Variants in MAPK8IP1 observed in about 807,000 individuals in gnomAD.
MAPK8IP1 encodes mitogen-activated protein kinase 8 interacting protein 1, also known as C-Jun-amino-terminal kinase-interacting protein 1.
In MAPK8IP1, 17 loss-of-function variants were observed where a neutral mutation model predicts 72.6. The observed-to-expected ratio is 0.23, with a 90% CI of 0.16 to 0.35. MAPK8IP1 has a LOEUF of 0.35. MAPK8IP1 is among the 10% of genes least tolerant of loss of function. The pLI, the probability that MAPK8IP1 is intolerant of heterozygous loss-of-function variation, is 1.00. For missense variants in MAPK8IP1, 789 were observed against 1,009.7 expected, an observed-to-expected ratio of 0.78 and a Z score of 2.96; for synonymous variants, 401 against 443.4, an observed-to-expected ratio of 0.90 and a Z score of 1.20.
At chr11:45,901,479 C>T (rs959995166) in intron 3 of MAPK8IP1, among the ~76,000 whole-genome samples, 6 of 152,112 alleles carry the variant, frequency 3.9e-5, no homozygotes, top group Admixed American at 1.3e-4. Context: ...GGAGACCCTT[C>T]CTTGTGCTTT....
In MAPK8IP1 at chr11:45,902,581, G is replaced by A. The variant is rs775633425; in HGVS notation, c.814G>A (p.Asp272Asn). The A allele has an allele frequency of 7.4e-6, 12 of 1,612,794 alleles. No individual in the cohort carries two copies. The highest frequency in any genetic ancestry group is 4.4e-5 in the South Asian group (4 of 91,070). The change falls in exon 5 of 12, where the codon GAT (aspartate) becomes AAT (asparagine). Residue 272 changes from aspartate to asparagine, a missense_variant. Coordinates refer to ENST00000241014, the MANE Select transcript of MAPK8IP1 (RefSeq NM_005456.4). This position sits in a 1 kb window ranked among gnomAD's most constrained non-coding sequence, Gnocchi z 9.3. ...SHRDRIHYQA[D>N]VRLEATEEIY... ...TCGAGACCGAATCCACTACCAGGCCGATGTGCGACTAGAGGCCACTGAGGA... is the reference window on the plus strand; with the variant it reads ...TCGAGACCGAATCCACTACCAGGCCAATGTGCGACTAGAGGCCACTGAGGA...
In MAPK8IP1 at chr11:45,905,144, C is replaced by T. The variant is rs1173675348; in HGVS notation, c.1965-7C>T. On this transcript the variant is annotated splice_polypyrimidine_tract_variant and splice_region_variant and intron_variant, in intron 10 of 11. Transcript: ENST00000241014. ...CCGTCCCAGCACAGACAGACCTGTC[C>T]CTGCAGGTACTTTGGGTTCATCACC... 3 of 1,613,004 alleles carry T rather than the reference C, an allele frequency of 1.9e-6. No homozygotes were observed. The highest frequency in any genetic ancestry group is 2.5e-6 in the Non-Finnish European group (3 of 1,179,172).
chr11:45,901,867 G>C, intron 3 of MAPK8IP1, 113 bp from the exon 4 acceptor site: 1 of 820,880 alleles, frequency 1.2e-6, no homozygotes, highest in Non-Finnish European at 2.2e-6. Flanking sequence ...AGTGGAGGCG[G>C]GGTGGACACA....
At chr11:45,892,022 A>C (rs1296695618) in intron 1 of MAPK8IP1, among the ~76,000 whole-genome samples, 2 of 152,230 alleles carry the variant, frequency 1.3e-5, no homozygotes, top group Non-Finnish European at 2.9e-5. Flanking sequence ...TAAACAGATC[A>C]AACATGTTAT....
intron 1 of MAPK8IP1, among the ~76,000 whole-genome samples, chr11:45,896,046 G>C (rs2086602698): frequency 6.6e-6 from 1 of 152,152 alleles, no homozygotes; most frequent in African/African-American, 2.4e-5. Context: ...ACCCCTCTGT[G>C]CAGTGCCCTC....
chr11:45,902,883 C>T lies in MAPK8IP1; in HGVS notation c.1116C>T (p.Ser372=), dbSNP rs756194695. 6.2e-6 allele frequency: 10 copies of T among 1,600,540 alleles called. No individual in the cohort carries two copies. The highest frequency in any genetic ancestry group is 1.3e-5 in the African/African-American group (1 of 74,658). ...PPRASLSSDT[S]ALSYDSVKYT... Reference sequence around the variant, plus strand: ...GGGCCTCTCTGAGCTCGGACACCAGCGCCCTGTCCTATGACTCTGTCAAGT... The same window carrying T: ...GGGCCTCTCTGAGCTCGGACACCAGTGCCCTGTCCTATGACTCTGTCAAGT... Residue 372 remains serine (S), a synonymous_variant, in exon 5 of 12, where the codon AGC becomes AGT. Coordinates refer to ENST00000241014, the MANE Select transcript of MAPK8IP1 (RefSeq NM_005456.4). The surrounding 1 kb of genome is among the most constrained non-coding windows in gnomAD (Gnocchi z 9.3).
intron 1 of MAPK8IP1, among the ~76,000 whole-genome samples, chr11:45,897,568 G>C (rs1453582042): frequency 1.3e-5 from 2 of 152,240 alleles, no homozygotes; most frequent in African/African-American, 4.8e-5. Flanking sequence ...ACTGACACCA[G>C]ATTTTCCTTC....
chr11:45,897,199 C>A (rs1052096546), intron 1 of MAPK8IP1, among the ~76,000 whole-genome samples: 4 of 151,948 alleles, frequency 2.6e-5, no homozygotes, highest in East Asian at 1.9e-4. Flanking sequence ...GTTCTACCCC[C>A]CCACCACCCC....
Position 45,902,293 on chromosome 11 carries a change from C to A in MAPK8IP1, c.605-79C>A. The A allele has an allele frequency of 1.5e-6, 2 of 1,292,934 alleles. No homozygotes were observed. The highest frequency in any genetic ancestry group is 2.5e-5 in the South Asian group (2 of 79,920). The allele number at this position is 1,292,934 out of a possible 1,614,324, so 80.1% of individuals were successfully genotyped here. On this transcript the variant is annotated intron_variant, in intron 4 of 11. Coordinates refer to ENST00000241014, the MANE Select transcript of MAPK8IP1 (RefSeq NM_005456.4). This position sits in a 1 kb window ranked among gnomAD's most constrained non-coding sequence, Gnocchi z 9.3. ...GGAGGCTTTGTCTTGGTTTCTGTGT[C>A]ACCAAGCTGAGAGTGGCAGGTGCAG...
chr11:45,902,015 C>G lies in MAPK8IP1; in HGVS notation c.558C>G (p.His186Gln). The change falls in exon 4 of 12, where the codon CAC becomes CAG. Residue 186 changes from histidine (H) to glutamine (Q), a missense_variant. His to Gln is a conservative substitution (Grantham distance 24). This residue lies in a region of MAPK8IP1 where 112 missense variants were observed against 192.8 expected (regional missense o/e 0.58). Coordinates refer to ENST00000241014, the MANE Select transcript of MAPK8IP1 (RefSeq NM_005456.4). The surrounding 1 kb of genome is among the most constrained non-coding windows in gnomAD (Gnocchi z 9.3). ...TLNNNSLGKK[H>Q]SWQDRVSRSS... is the part of the protein sequence containing the mutation. ...ATAATAATTCTCTGGGCAAAAAGCACAGTTGGCAGGATCGGGTGTCTCGAT... is the reference window on the plus strand; with the variant it reads ...ATAATAATTCTCTGGGCAAAAAGCAGAGTTGGCAGGATCGGGTGTCTCGAT... 6.2e-7 allele frequency: 1 copy of G among 1,614,158 alleles called. No homozygotes were observed. Among genetic ancestry groups the G allele is most frequent in the Non-Finnish European group, 8.5e-7 (1 of 1,179,998 alleles).
At chr11:45,890,961 G>A (rs982822111) in intron 1 of MAPK8IP1, among the ~76,000 whole-genome samples, 40 of 152,296 alleles carry the variant, frequency 2.6e-4, no homozygotes, top group African/African-American at 9.6e-4. Flanking sequence ...GCTGGCCGGT[G>A]GCCTGTTCAG....
In MAPK8IP1 at chr11:45,904,055, G is replaced by C. The variant is rs551950802; in HGVS notation, c.1560G>C (p.Gln520His). The C allele has an allele frequency of 6.2e-7, 1 of 1,614,066 alleles. No individual in the cohort carries two copies. The highest frequency in any genetic ancestry group is 1.7e-5 in the Admixed American group (1 of 60,022). ...EVDDPLLVELQAEDYWYEAYN... is the reference protein window; with the variant it reads ...EVDDPLLVELHAEDYWYEAYN... ...ATGACCCTCTGCTAGTGGAGCTCCA[G>C]GCTGAAGACTACTGGTACGAGGCCT... Residue 520 changes from glutamine (Q) to histidine (H), a missense_variant, in exon 7 of 12, where the codon CAG becomes CAC. Physicochemically the swap from Gln to His is conservative, Grantham distance 24. Transcript: ENST00000241014. The surrounding 1 kb of genome is among the most constrained non-coding windows in gnomAD (Gnocchi z 6.4).
chr11:45,901,159 G>T (rs1217313722), intron 3 of MAPK8IP1, among the ~76,000 whole-genome samples: 3 of 152,138 alleles, frequency 2.0e-5, no homozygotes, highest in Admixed American at 2.0e-4. Flanking sequence ...GCGGGGAAAG[G>T]CTTGGTCCCT....
In MAPK8IP1 at chr11:45,904,531, G is replaced by C. The variant is rs1245611361; in HGVS notation, c.1743G>C (p.Lys581Asn). 1 of 1,614,078 alleles carries C rather than the reference G, an allele frequency of 6.2e-7. No individual in the cohort carries two copies. The highest frequency in any genetic ancestry group is 8.5e-7 in the Non-Finnish European group (1 of 1,180,050). Reference protein sequence around the residue: ...FLGSVQVPYHKGNDVLCAAMQ... With the variant: ...FLGSVQVPYHNGNDVLCAAMQ... ...GCTCAGTCCAGGTTCCCTATCACAA[G>C]GGCAATGACGTCCTCTGTGCTGCTA... Residue 581 changes from lysine (K) to asparagine (N), a missense_variant, in exon 8 of 12, where the codon AAG becomes AAC. By Grantham distance (94) the Lys-to-Asn change is moderately conservative. Around this residue, in one of 4 missense-constraint regions of MAPK8IP1, gnomAD observed 188 missense variants for 293.3 expected, o/e 0.64. Transcript: ENST00000241014. The surrounding 1 kb of genome is among the most constrained non-coding windows in gnomAD (Gnocchi z 6.4).
At position 45,903,332 on chromosome 11, in the gene MAPK8IP1, A is replaced by T. The variant is rs938825809; in HGVS notation, c.1418-33A>T. The T allele has an allele frequency of 8.7e-6, 14 of 1,607,572 alleles. No homozygotes were observed. The highest frequency in any genetic ancestry group is 1.3e-5 in the African/African-American group (1 of 74,224). The stretch of plus-strand genomic sequence containing the variant: ...CCGCTAAACCTGGATCAGAGCTGCG[A>T]CCCCCCATCCAGCCACACCACCTCA... On this transcript the variant is annotated intron_variant, in intron 5 of 11. Transcript: ENST00000241014. The surrounding 1 kb of genome is among the most constrained non-coding windows in gnomAD (Gnocchi z 6.4).
At chr11:45,886,478 G>A (rs538400350) in intron 1 of MAPK8IP1, among the ~76,000 whole-genome samples, 1 of 152,238 alleles carries the variant, frequency 6.6e-6, no homozygotes, top group South Asian at 2.1e-4. Flanking sequence ...GTGTCTCTCA[G>A]GGCAGGCGCT....
rs547882860 is a variant in MAPK8IP1 at position 45,888,858 on chromosome 11, C to T, written c.101+2937C>T. On this transcript the variant is annotated intron_variant, in intron 1 of 11. Coordinates refer to ENST00000241014, the MANE Select transcript of MAPK8IP1 (RefSeq NM_005456.4). ...GGGATTACAGGTGCCCACCACCACG[C>T]CCGGCTAATTTTTGTATTTTTAGTA... Among the ~76,000 whole-genome samples, 4 of 152,208 alleles carry T rather than the reference C, an allele frequency of 2.6e-5. No individual in the cohort carries two copies. The South Asian group carries it at 6.2e-4, about 24-fold the overall frequency.
chr11:45,890,646 G>C (rs1344030654), intron 1 of MAPK8IP1, among the ~76,000 whole-genome samples: 1 of 152,044 alleles, frequency 6.6e-6, no homozygotes, highest in Non-Finnish European at 1.5e-5. Flanking sequence ...TACAGAATAG[G>C]GAGTGGGGAG....
At chr11:45,895,661 T>C (rs2134669382) in intron 1 of MAPK8IP1, among the ~76,000 whole-genome samples, 1 of 141,742 alleles carries the variant, frequency 7.1e-6, no homozygotes, top group South Asian at 2.3e-4. Flanking sequence ...TATATATATA[T>C]GTGCAGAGGT....
Sources: allele counts gnomAD v4.1 joint callset (sites outside exome capture counted in the v4.1 genomes callset), GRCh38; gene constraint gnomAD v4.1.1; regional missense constraint gnomAD v4.1.1; non-coding constraint Gnocchi (gnomAD v3.1); transcripts MANE v1.5; gene names NCBI Gene and HGNC (gene_info 2026-07-23, HGNC 2026-07-21).